SLC22A23: variants seen among roughly 807,000 people sequenced by gnomAD.
SLC22A23 encodes the protein ion transporter protein.
In SLC22A23, 26 loss-of-function variants were observed where a neutral mutation model predicts 61.0. The ratio of observed to expected loss-of-function variants is 0.43; its 90% CI spans 0.31 to 0.59. The LOEUF is 0.59. SLC22A23 is among the 20% of genes least tolerant of loss of function. The pLI, the probability that SLC22A23 is intolerant of heterozygous loss-of-function variation, is 0.11. For missense variants in SLC22A23, 796 were observed against 934.7 expected (o/e 0.85, Z 1.94); for synonymous variants, 430 against 413.9 (o/e 1.04, Z -0.47).
chr6:3,352,898 G>C (rs1157654727), intron 3 of SLC22A23, among the ~76,000 whole-genome samples: 1 of 152,186 alleles, frequency 6.6e-6, no homozygotes, highest in African/African-American at 2.4e-5. Flanking sequence ...GAGAAGATCA[G>C]TCGCCCCCGT....
chr6:3,284,517 C>G (rs760295670), intron 8 of SLC22A23, among the ~76,000 whole-genome samples: 1 of 152,236 alleles, frequency 6.6e-6, no homozygotes, highest in African/African-American at 2.4e-5. Flanking sequence ...GCTGTCAGGA[C>G]CATACAGCTG....
chr6:3,287,098 A>G lies in SLC22A23; in HGVS notation c.1314-7T>C. The stretch of plus-strand genomic sequence containing the variant: ...GATCCCGTACCCCGTCAGCCTGTGG[A>G]GACATACCGAGCGGCAGTGGGTGGG... On this transcript the variant is annotated splice_polypyrimidine_tract_variant and splice_region_variant and intron_variant, in intron 6 of 9. Coordinates refer to ENST00000406686, the MANE Select transcript of SLC22A23 (RefSeq NM_015482.2). 5.0e-6 allele frequency: 8 copies of G among 1,613,326 alleles called. No individual in the cohort carries two copies. Among genetic ancestry groups the G allele is most frequent in the Non-Finnish European group, 6.8e-6 (8 of 1,179,644 alleles).
At chr6:3,273,468 G>C in intron 9 of SLC22A23, 56 bp from the exon 10 acceptor site, 5 of 1,583,368 alleles carry the variant, frequency 3.2e-6, no homozygotes, top group Non-Finnish European at 4.3e-6. Context: ...GCTGGATCCC[G>C]GGAAAGCTCG....
chr6:3,334,549 G>A (rs568754767), intron 3 of SLC22A23, among the ~76,000 whole-genome samples: 21 of 152,218 alleles, frequency 1.4e-4, no homozygotes, highest in African/African-American at 4.3e-4. Context: ...CAAAGGGCAA[G>A]GCAGGCAGAA....
At chr6:3,443,080 A>C (rs1771698661) in intron 1 of SLC22A23, among the ~76,000 whole-genome samples, 1 of 152,208 alleles carries the variant, frequency 6.6e-6, no homozygotes, top group Non-Finnish European at 1.5e-5. Context: ...GGCCCTCAAA[A>C]AGTGTGTTTT....
Position 3,328,710 on chromosome 6 carries a change from C to T in SLC22A23, c.914-4708G>A, listed in dbSNP as rs2127406343. ...TCCTGATGGCTGGCCCTCCCGCTGGCCCCTCATGGATGTCAGCCTGGCCAC... is the reference window on the plus strand; with the variant it reads ...TCCTGATGGCTGGCCCTCCCGCTGGTCCCTCATGGATGTCAGCCTGGCCAC... On this transcript the variant is annotated intron_variant, in intron 3 of 9. Transcript: ENST00000406686. The surrounding 1 kb of genome is among the most constrained non-coding windows in gnomAD (Gnocchi z 5.0). 6.6e-6 allele frequency among the ~76,000 whole-genome samples: 1 copy of T among 152,258 alleles called. No homozygotes were observed. Among genetic ancestry groups the T allele is most frequent in the Admixed American group, 6.5e-5 (1 of 15,304 alleles).
At chr6:3,445,969 G>A (rs1355230779) in intron 1 of SLC22A23, among the ~76,000 whole-genome samples, 1 of 152,182 alleles carries the variant, frequency 6.6e-6, no homozygotes, top group East Asian at 1.9e-4. Flanking sequence ...TCTCGGGCCT[G>A]TGGTGTTAAA....
chr6:3,371,511 G>C (rs1164780472), intron 3 of SLC22A23, among the ~76,000 whole-genome samples: 2 of 152,110 alleles, frequency 1.3e-5, no homozygotes, highest in Non-Finnish European at 2.9e-5. Flanking sequence ...AGCTGGCTTT[G>C]GCCAGTAGGC....
At chr6:3,418,564 C>G (rs1393723320) in intron 1 of SLC22A23, among the ~76,000 whole-genome samples, 2 of 152,342 alleles carry the variant, frequency 1.3e-5, no homozygotes, top group Middle Eastern at 3.4e-3. Context: ...CTGAGTCACT[C>G]ACACGCCTGG....
intron 3 of SLC22A23, among the ~76,000 whole-genome samples, chr6:3,369,959 T>C (rs995308579): frequency 6.6e-6 from 1 of 152,260 alleles, no homozygotes; most frequent in African/African-American, 2.4e-5. Flanking sequence ...AAACTCAGTA[T>C]GCTGTAACCA....
intron 3 of SLC22A23, among the ~76,000 whole-genome samples, chr6:3,368,202 T>C (rs907592533): frequency 2.0e-5 from 3 of 152,228 alleles, no homozygotes; most frequent in African/African-American, 7.2e-5. Flanking sequence ...TGGGGATACG[T>C]TCCCCTCTCC....
chr6:3,314,024 T>C (rs1163442543), intron 4 of SLC22A23, among the ~76,000 whole-genome samples: 1 of 152,292 alleles, frequency 6.6e-6, no homozygotes, highest in Non-Finnish European at 1.5e-5. Flanking sequence ...AGCAGAACTC[T>C]GTCTCAAAAA....
chr6:3,391,570 T>C (rs1403249490), intron 3 of SLC22A23, among the ~76,000 whole-genome samples: 2 of 152,150 alleles, frequency 1.3e-5, no homozygotes, highest in African/African-American at 4.8e-5. Flanking sequence ...ATCAAACTAG[T>C]ATTTAGATAC....
intron 3 of SLC22A23, among the ~76,000 whole-genome samples, chr6:3,402,937 A>G (rs999630502): frequency 6.6e-6 from 1 of 152,258 alleles, no homozygotes; most frequent in Admixed American, 6.5e-5. Context: ...GCTTCCGGGC[A>G]GGTCATGAAA....
rs7449751 is a variant in SLC22A23, at chr6:3,327,824, T to C, written c.914-3822A>G. On this transcript the variant is annotated intron_variant, in intron 3 of 9. Coordinates refer to ENST00000406686, the MANE Select transcript of SLC22A23 (RefSeq NM_015482.2). This position sits in a 1 kb window ranked among gnomAD's most constrained non-coding sequence, Gnocchi z 4.1. ...ATTTATGTTTCATATAAATCTTATA[T>C]ACATAGCCTGAAGGTAATTTTATAT... is the stretch of plus-strand genomic sequence containing the variant. Among the ~76,000 whole-genome samples the C allele has an allele frequency of 0.26, 38,817 of 152,090 alleles. 6,188 individuals are homozygous for C. Among genetic ancestry groups the C allele is most frequent in the African/African-American group, 0.45 (18,615 of 41,436 alleles).
chr6:3,376,231 C>G (rs890974744), intron 3 of SLC22A23, among the ~76,000 whole-genome samples: 1 of 152,214 alleles, frequency 6.6e-6, no homozygotes, highest in African/African-American at 2.4e-5. Context: ...GGACACCCAG[C>G]TGCCTCCTCC....
intron 4 of SLC22A23, 41 bp downstream of exon 4, chr6:3,323,793 G>A (rs1442939223): frequency 1.3e-6 from 2 of 1,576,198 alleles, no homozygotes; most frequent in Non-Finnish European, 1.7e-6. Flanking sequence ...GGAAGCATGT[G>A]CAGTCGCACC....
At chr6:3,423,954 G>T (rs966821015) in intron 1 of SLC22A23, among the ~76,000 whole-genome samples, 1 of 152,202 alleles carries the variant, frequency 6.6e-6, no homozygotes, top group African/African-American at 2.4e-5. Context: ...GAGAGAACTT[G>T]GAGGGTGAAG....
chr6:3,427,148 G>A lies in SLC22A23; in HGVS notation c.655-11293C>T, dbSNP rs9503586. On this transcript the variant is annotated intron_variant, in intron 1 of 9. Coordinates refer to ENST00000406686, the MANE Select transcript of SLC22A23 (RefSeq NM_015482.2). This position sits in a 1 kb window ranked among gnomAD's most constrained non-coding sequence, Gnocchi z 4.3. The stretch of plus-strand genomic sequence containing the variant: ...ATCAGGGCAAGCTTTTTCACCGTGT[G>A]GGGGCTCAGTTTTAACATCTATGAC... 6.6e-6 allele frequency among the ~76,000 whole-genome samples: 1 copy of A among 151,960 alleles called. No individual in the cohort carries two copies. The highest frequency in any genetic ancestry group is 2.4e-5 in the African/African-American group (1 of 41,344).
Sources: allele counts gnomAD v4.1 joint callset (sites outside exome capture counted in the v4.1 genomes callset), GRCh38; gene constraint gnomAD v4.1.1; non-coding constraint Gnocchi (gnomAD v3.1); transcripts MANE v1.5; gene names NCBI Gene and HGNC (gene_info 2026-07-23, HGNC 2026-07-21).